The following TMTC2 variants were observed in gnomAD, a reference collection of about 807,000 sequenced individuals.
TMTC2 encodes the protein transmembrane O-mannosyltransferase targeting cadherins 2, also known as protein O-mannosyl-transferase TMTC2.
A neutral mutation model predicts 82.4 loss-of-function variants in TMTC2; 43 were observed. The observed-to-expected ratio is 0.52, with a 90% CI of 0.41 to 0.67. The LOEUF (loss-of-function observed/expected upper bound fraction) is 0.67, where lower values mean the gene tolerates loss of function less well. Among genes scored for constraint, TMTC2 ranks in the 30% least tolerant of loss-of-function variants. The pLI is 0.00. For synonymous variants in TMTC2, 408 were observed against 381.9 expected (o/e 1.07, Z -0.80); for missense variants, 919 against 1,012.4 (o/e 0.91, Z 1.25).
chr12:82,734,309 G>A (rs888502877), intron 1 of TMTC2, among the ~76,000 whole-genome samples: 1 of 152,138 alleles, frequency 6.6e-6, no homozygotes, highest in Non-Finnish European at 1.5e-5. Flanking sequence ...GGAGACCCTG[G>A]GAAAGATCAG....
intron 2 of TMTC2, among the ~76,000 whole-genome samples, chr12:82,887,041 T>C (rs1279812036): frequency 6.6e-6 from 1 of 152,196 alleles, no homozygotes; most frequent in Non-Finnish European, 1.5e-5. Context: ...TTCTCTGTCT[T>C]ATAACTTTCA....
chr12:82,854,727 A>C (rs1384106988), intron 1 of TMTC2, among the ~76,000 whole-genome samples: 3 of 152,218 alleles, frequency 2.0e-5, no homozygotes, highest in African/African-American at 7.2e-5. Context: ...GAAGATTTTC[A>C]CAGATCTTTT....
chr12:82,820,106 A>G (rs1869000253), intron 1 of TMTC2, among the ~76,000 whole-genome samples: 1 of 152,168 alleles, frequency 6.6e-6, no homozygotes, highest in South Asian at 2.1e-4. Flanking sequence ...TGAGAGATGT[A>G]GGCTGGGAGA....
At chr12:83,104,166 G>C (rs190156572) in intron 11 of TMTC2, among the ~76,000 whole-genome samples, 1 of 152,216 alleles carries the variant, frequency 6.6e-6, no homozygotes, top group African/African-American at 2.4e-5. Context: ...CAGCCCCAGA[G>C]GCTGTTCTCA....
intron 3 of TMTC2, among the ~76,000 whole-genome samples, chr12:82,920,422 A>G (rs1211433900): frequency 6.6e-6 from 1 of 152,196 alleles, no homozygotes; most frequent in Non-Finnish European, 1.5e-5. Flanking sequence ...TCTCTTTAGA[A>G]CAACTTCAGC....
At chr12:82,830,153 AT>A (rs1869670135) in intron 1 of TMTC2, among the ~76,000 whole-genome samples, 1 of 152,170 alleles carries the variant, frequency 6.6e-6, no homozygotes, top group South Asian at 2.1e-4. Context: ...TTTAAGGGGA[AT>A]TTGTTTGGAT....
At chr12:83,046,033 A>G (rs1882112315) in intron 9 of TMTC2, among the ~76,000 whole-genome samples, 1 of 152,074 alleles carries the variant, frequency 6.6e-6, no homozygotes, top group African/African-American at 2.4e-5. Flanking sequence ...TCCCAAGTGT[A>G]CTTTCCTGCC....
chr12:82,807,124 G>T (rs1879280591), intron 1 of TMTC2, among the ~76,000 whole-genome samples: 1 of 152,142 alleles, frequency 6.6e-6, no homozygotes, highest in Admixed American at 6.5e-5. Context: ...ATATTAGTGT[G>T]CTGTTCATTC....
intron 2 of TMTC2, among the ~76,000 whole-genome samples, chr12:82,886,483 A>G (rs966653002): frequency 2.0e-5 from 3 of 152,242 alleles, no homozygotes; most frequent in South Asian, 2.1e-4. Flanking sequence ...AGTGGGAAAC[A>G]TGATGGTGTA....
chr12:83,009,269 CT>C (rs968839448), intron 8 of TMTC2, among the ~76,000 whole-genome samples: 21 of 152,022 alleles, frequency 1.4e-4, no homozygotes, highest in Non-Finnish European at 2.9e-4. Flanking sequence ...AGTGGGGGAT[CT>C]TTTTTTGTTC....
Position 83,099,715 on chromosome 12 carries a change from T to C in TMTC2, c.2332-32495T>C, listed in dbSNP as rs1053147430. 5.7e-4 allele frequency among the ~76,000 whole-genome samples: 86 copies of C among 151,794 alleles called. 1 individual carries two copies. Among genetic ancestry groups the C allele is most frequent in the African/African-American group, 1.8e-3 (73 of 41,064 alleles). ...GAAAAAAATCACAAAACAGAACTTATGTTTTACCCTTTTTTTTTTAACGTT... is the reference window on the plus strand; with the variant it reads ...GAAAAAAATCACAAAACAGAACTTACGTTTTACCCTTTTTTTTTTAACGTT... On this transcript the variant is annotated intron_variant, in intron 11 of 11. Coordinates refer to ENST00000321196, the MANE Select transcript of TMTC2 (RefSeq NM_152588.3).
At chr12:82,779,841 G>C (rs890587405) in intron 1 of TMTC2, among the ~76,000 whole-genome samples, 2 of 152,116 alleles carry the variant, frequency 1.3e-5, no homozygotes, top group African/African-American at 4.8e-5. Flanking sequence ...GGAGGATGCA[G>C]TGAGTCAAGA....
chr12:82,989,172 G>T (rs995939060), intron 8 of TMTC2, among the ~76,000 whole-genome samples: 3 of 151,814 alleles, frequency 2.0e-5, no homozygotes, highest in Non-Finnish European at 2.9e-5. Flanking sequence ...TCATTTGGAA[G>T]ATAGGAGAAT....
Position 82,778,848 on chromosome 12 carries a change from C to CA in TMTC2, c.84-78132dup, listed in dbSNP as rs56354957. ...TAGGCGACAGAGCGAGACTCCGTCT[C>CA]AAAAAAAAAAAAAAAAAAAAAAAAA... On this transcript the variant is annotated intron_variant, in intron 1 of 11. Transcript: ENST00000321196. Among the ~76,000 whole-genome samples the CA allele has an allele frequency of 1.9e-3, 45 of 23,448 alleles. 7 individuals are homozygous for CA. Among genetic ancestry groups the CA allele is most frequent in the African/African-American group, 8.0e-3 (40 of 4,974 alleles). The allele number at this position is 23,448 out of a possible 152,430, so 15.4% of individuals were successfully genotyped here.
intron 1 of TMTC2, among the ~76,000 whole-genome samples, chr12:82,772,258 A>G (rs1042973104): frequency 2.6e-5 from 4 of 152,140 alleles, no homozygotes; most frequent in African/African-American, 9.7e-5. Context: ...CATGCATTTT[A>G]TCTATGTGTA....
chr12:83,130,165 A>G (rs1885219892), intron 11 of TMTC2, among the ~76,000 whole-genome samples: 1 of 152,198 alleles, frequency 6.6e-6, no homozygotes, highest in African/African-American at 2.4e-5. Flanking sequence ...CATTGTATCT[A>G]CTTAGCATCT....
intron 1 of TMTC2, among the ~76,000 whole-genome samples, chr12:82,735,160 A>G (rs1017276818): frequency 3.9e-5 from 6 of 152,192 alleles, no homozygotes; most frequent in Non-Finnish European, 8.8e-5. Context: ...CTATGTTTAA[A>G]TCAAATCAAT....
At chr12:82,756,802 T>G (rs1179870281) in intron 1 of TMTC2, among the ~76,000 whole-genome samples, 1 of 152,174 alleles carries the variant, frequency 6.6e-6, no homozygotes, top group East Asian at 1.9e-4. Flanking sequence ...TGGCTGTATA[T>G]ACAGATGGGC....
intron 11 of TMTC2, among the ~76,000 whole-genome samples, chr12:83,092,440 T>G (rs1406229315): frequency 6.6e-6 from 1 of 152,158 alleles, no homozygotes; most frequent in Non-Finnish European, 1.5e-5. Context: ...GGTACACATA[T>G]CCATTCAGGT....
Sources: gnomAD v4.1 joint callset for allele counts (sites outside exome capture counted in the v4.1 genomes callset) on GRCh38, gnomAD v4.1.1 for gene constraint, MANE v1.5 for transcripts, NCBI Gene and HGNC (gene_info 2026-07-23, HGNC 2026-07-21) for gene names.